Variants in SDK1 observed in about 807,000 individuals in gnomAD.
SDK1 encodes the protein protein sidekick-1.
In SDK1, 157 loss-of-function variants were observed where a neutral mutation model predicts 245.5. That is an observed-to-expected ratio of 0.64 (90% CI 0.56 to 0.73). The LOEUF is 0.73. SDK1 is among the 30% of genes least tolerant of loss of function. SDK1 has a pLI of 0.00. For synonymous variants in SDK1, 1,647 were observed against 1,278.5 expected (o/e 1.29, Z -6.15); for missense variants, 3,583 against 3,002.3 (o/e 1.19, Z -4.52).
chr7:3,649,213 C>A (rs1034525689), intron 4 of SDK1, among the ~76,000 whole-genome samples: 1 of 152,070 alleles, frequency 6.6e-6, no homozygotes, highest in South Asian at 2.1e-4. Context: ...GAAGAGAGTC[C>A]TAAGCTGGAG....
intron 4 of SDK1, among the ~76,000 whole-genome samples, chr7:3,696,451 A>G (rs1784573896): frequency 6.6e-6 from 1 of 152,178 alleles, no homozygotes; most frequent in South Asian, 2.1e-4. Flanking sequence ...ACTGATAGGC[A>G]TGAAAACTCC....
chr7:3,671,578 C>T (rs1783701837), intron 4 of SDK1, among the ~76,000 whole-genome samples: 1 of 152,044 alleles, frequency 6.6e-6, no homozygotes, highest in Admixed American at 6.6e-5. Context: ...GCTGTTATAC[C>T]TATTTACAAG....
intron 1 of SDK1, among the ~76,000 whole-genome samples, chr7:3,599,395 G>T (rs1781181324): frequency 6.6e-6 from 1 of 152,010 alleles, no homozygotes. Flanking sequence ...AATGTGGTTT[G>T]CCTGTATTTT....
chr7:4,091,023 C>T (rs1781755934), intron 22 of SDK1, among the ~76,000 whole-genome samples: 1 of 152,156 alleles, frequency 6.6e-6, no homozygotes, highest in Admixed American at 6.6e-5. Context: ...GCTTGGACAC[C>T]ATTCTGCTTG....
chr7:3,546,042 A>G (rs1779215368), intron 1 of SDK1, among the ~76,000 whole-genome samples: 1 of 152,156 alleles, frequency 6.6e-6, no homozygotes, highest in Admixed American at 6.5e-5. Flanking sequence ...ATAATTACAC[A>G]AGTGATATAA....
chr7:4,209,837 C>T (rs1050257141), intron 37 of SDK1, among the ~76,000 whole-genome samples, 188 bp from the exon 38 acceptor site: 3 of 152,202 alleles, frequency 2.0e-5, no homozygotes, highest in Non-Finnish European at 1.5e-5. Flanking sequence ...GGAGGGTCTG[C>T]GTGTCTGATT....
At chr7:3,582,310 G>A (rs1417088159) in intron 1 of SDK1, among the ~76,000 whole-genome samples, 3 of 150,068 alleles carry the variant, frequency 2.0e-5, no homozygotes, top group African/African-American at 7.4e-5. Context: ...TCTCCCTCAG[G>A]TAGGTCTGTC....
At chr7:4,218,381 A>G (rs922855696) in intron 38 of SDK1, among the ~76,000 whole-genome samples, 8 of 151,982 alleles carry the variant, frequency 5.3e-5, no homozygotes, top group Non-Finnish European at 1.0e-4. Flanking sequence ...TGACAGAGCG[A>G]GACTCCGTCT....
At chr7:3,591,685 T>C (rs970568708) in intron 1 of SDK1, among the ~76,000 whole-genome samples, 4 of 152,228 alleles carry the variant, frequency 2.6e-5, no homozygotes, top group Non-Finnish European at 5.9e-5. Flanking sequence ...TGTGGGCCCA[T>C]GGCCGCTGGA....
intron 40 of SDK1, among the ~76,000 whole-genome samples, chr7:4,221,944 C>T (rs905366576): frequency 2.6e-5 from 4 of 152,142 alleles, no homozygotes; most frequent in Admixed American, 6.5e-5. Context: ...AGTTTCTGAT[C>T]GGGTGCGTCG....
intron 1 of SDK1, among the ~76,000 whole-genome samples, chr7:3,590,138 A>G (rs1443120195): frequency 6.6e-6 from 1 of 152,170 alleles, no homozygotes; most frequent in East Asian, 1.9e-4. Flanking sequence ...TTGGAATGTA[A>G]AGCTTATAGC....
At chr7:3,584,834 C>T (rs1420898262) in intron 1 of SDK1, among the ~76,000 whole-genome samples, 5 of 152,094 alleles carry the variant, frequency 3.3e-5, no homozygotes, top group African/African-American at 1.2e-4. Flanking sequence ...CGCCGTTCTG[C>T]TGCCTCAGCC....
In SDK1 at chr7:3,971,550, A is replaced by AC. The variant is rs1782488301; in HGVS notation, c.1804dup (p.Arg602ProfsTer22). The AC allele has an allele frequency of 6.2e-7, 1 of 1,612,096 alleles. No individual in the cohort carries two copies. The highest frequency in any genetic ancestry group is 8.5e-7 in the Non-Finnish European group (1 of 1,179,074). The stretch of plus-strand genomic sequence containing the variant: ...ACGCTGCACTGTGGTGCCACACATG[A>AC]CCCCCGGGTTTCACTCCGGTCAGCA... On this transcript the variant is annotated frameshift_variant, in exon 12 of 45. Transcript: ENST00000404826. LOFTEE classifies it high-confidence loss of function.
At chr7:3,566,255 C>T (rs548702082) in intron 1 of SDK1, among the ~76,000 whole-genome samples, 21 of 141,416 alleles carry the variant, frequency 1.5e-4, no homozygotes, top group Non-Finnish European at 2.3e-4. Context: ...GATGGAGTCT[C>T]GCTCTGTCGC....
At chr7:3,569,006 G>GTT (rs5881992) in intron 1 of SDK1, among the ~76,000 whole-genome samples, 2,137 of 143,486 alleles carry the variant, frequency 0.015, 20 homozygotes, top group Middle Eastern at 0.022. Context: ...TGTGGCATAT[G>GTT]TTTTTTTTTT....
chr7:3,697,592 A>T (rs543516595), intron 4 of SDK1, among the ~76,000 whole-genome samples: 1 of 152,180 alleles, frequency 6.6e-6, no homozygotes, highest in South Asian at 2.1e-4. Context: ...GCCCCACATG[A>T]TTCTTTGACC....
At chr7:3,869,843 C>T (rs1016837135) in intron 5 of SDK1, among the ~76,000 whole-genome samples, 9 of 152,142 alleles carry the variant, frequency 5.9e-5, no homozygotes, top group Admixed American at 2.0e-4. Context: ...ACGTTGCTTG[C>T]GAACTTTAAC....
At chr7:3,318,148 G>A (rs1026158275) in intron 1 of SDK1, among the ~76,000 whole-genome samples, 5 of 152,110 alleles carry the variant, frequency 3.3e-5, no homozygotes, top group African/African-American at 7.2e-5. Flanking sequence ...TAGTCCCAGC[G>A]CATTTTTCGC....
chr7:3,721,977 A>AC (rs1778825035), intron 4 of SDK1, among the ~76,000 whole-genome samples: 1 of 151,698 alleles, frequency 6.6e-6, no homozygotes, highest in Admixed American at 6.6e-5. Context: ...TGTCTTTATC[A>AC]CCCAGTCTGG....
Sources: gnomAD v4.1 joint callset for allele counts (sites outside exome capture counted in the v4.1 genomes callset) on GRCh38, gnomAD v4.1.1 for gene constraint, MANE v1.5 for transcripts, NCBI Gene and HGNC (gene_info 2026-07-23, HGNC 2026-07-21) for gene names.